Variants in CAMSAP2 observed in about 807,000 individuals in gnomAD.
CAMSAP2 encodes calmodulin regulated spectrin associated protein family member 2.
CAMSAP2 carries 26 observed loss-of-function variants against 146.1 expected under a neutral mutation model. The observed-to-expected ratio is 0.18, with a 90% CI of 0.13 to 0.25. CAMSAP2 has a LOEUF of 0.25. Among genes scored for constraint, CAMSAP2 ranks in the 10% least tolerant of loss-of-function variants. The probability of loss-of-function intolerance (pLI) is 1.00; values close to 1 mark genes in which losing one functional copy is unlikely to be tolerated. For missense variants in CAMSAP2, 1,381 were observed against 1,759.3 expected, an observed-to-expected ratio of 0.78 and a Z score of 3.85; for synonymous variants, 499 against 596.6, an observed-to-expected ratio of 0.84 and a Z score of 2.38.
At chr1:200,854,947 C>A in intron 14 of CAMSAP2, 58 bp downstream of exon 14, 2 of 1,217,564 alleles carry the variant, frequency 1.6e-6, no homozygotes, top group Admixed American at 2.4e-5. Context: ...TGCAATTATA[C>A]AAACTCTAAG....
intron 1 of CAMSAP2, among the ~76,000 whole-genome samples, chr1:200,749,154 C>T (rs191147854): frequency 2.0e-3 from 307 of 152,314 alleles, no homozygotes; most frequent in African/African-American, 6.7e-3. Flanking sequence ...ATATACATTT[C>T]ATGTGTCCTG....
intron 3 of CAMSAP2, 127 bp from the exon 4 acceptor site, chr1:200,815,434 A>T (rs1437303137): frequency 3.3e-5 from 15 of 452,434 alleles, no homozygotes; most frequent in Non-Finnish European, 5.5e-5. Context: ...TCTTTATTTG[A>T]GTGAGACTGA....
chr1:200,836,453 T>C (rs1267070698), intron 6 of CAMSAP2, among the ~76,000 whole-genome samples: 3 of 152,228 alleles, frequency 2.0e-5, no homozygotes, highest in Admixed American at 1.3e-4. Context: ...TAGTATTCCA[T>C]AGTGTATATG....
In CAMSAP2 at chr1:200,857,886, A is replaced by G. The variant is rs1329315411; in HGVS notation, c.4264A>G (p.Ile1422Val). 1.9e-6 allele frequency: 3 copies of G among 1,613,882 alleles called. No homozygotes were observed. Among genetic ancestry groups the G allele is most frequent in the South Asian group, 1.1e-5 (1 of 91,058 alleles). ...NKLTGIGPKS[I>V]TKKMIEGLYK... Reference sequence around the variant, plus strand: ...ACTGACTGGGATAGGCCCTAAATCTATCACTAAAAAAATGATTGAAGGACT... The same window carrying G: ...ACTGACTGGGATAGGCCCTAAATCTGTCACTAAAAAAATGATTGAAGGACT... Residue 1422 changes from isoleucine (I) to valine (V), a missense_variant, in exon 17 of 17, where the codon ATC becomes GTC. Physicochemically the swap from Ile to Val is conservative, Grantham distance 29. Around this residue, in one of 4 missense-constraint regions of CAMSAP2, gnomAD observed 90 missense variants for 174.4 expected, o/e 0.52. Transcript: ENST00000358823. The surrounding 1 kb of genome is among the most constrained non-coding windows in gnomAD (Gnocchi z 4.7).
chr1:200,751,412 T>G (rs1033044264), intron 1 of CAMSAP2, among the ~76,000 whole-genome samples: 2 of 151,660 alleles, frequency 1.3e-5, no homozygotes, highest in African/African-American at 4.8e-5. Context: ...GGTGGGCACC[T>G]GTGATCCTGG....
intron 1 of CAMSAP2, among the ~76,000 whole-genome samples, chr1:200,746,442 G>A (rs1160939262): frequency 1.3e-5 from 2 of 152,188 alleles, no homozygotes; most frequent in Non-Finnish European, 2.9e-5. Flanking sequence ...GAGGGCCAGT[G>A]TATGTGTTTA....
In CAMSAP2 at chr1:200,832,296, G is replaced by T. The variant is rs766409904; in HGVS notation, c.742G>T (p.Ala248Ser). 2.5e-6 allele frequency: 4 copies of T among 1,613,306 alleles called. No individual in the cohort carries two copies. The East Asian group carries it at 8.9e-5, about 36-fold the overall frequency. ...LKDGTDGCAL[A>S]ALIHFYCPDV... ...GGATGGGACAGATGGCTGTGCATTAGCTGCCCTTATTCATTTTTACTGTCC... is the reference window on the plus strand; with the variant it reads ...GGATGGGACAGATGGCTGTGCATTATCTGCCCTTATTCATTTTTACTGTCC... The change falls in exon 5 of 17, where the codon GCT (alanine) becomes TCT (serine). Residue 248 changes from alanine to serine, a missense_variant. Around this residue, in one of 4 missense-constraint regions of CAMSAP2, gnomAD observed 284 missense variants for 406.9 expected, o/e 0.70. Transcript: ENST00000358823. The surrounding 1 kb of genome is among the most constrained non-coding windows in gnomAD (Gnocchi z 4.2).
At chr1:200,803,157 C>G (rs150135406) in intron 2 of CAMSAP2, among the ~76,000 whole-genome samples, 3 of 152,304 alleles carry the variant, frequency 2.0e-5, no homozygotes, top group Non-Finnish European at 4.4e-5. Context: ...GGATTTAAGT[C>G]TGCAGGTGTG....
intron 3 of CAMSAP2, among the ~76,000 whole-genome samples, chr1:200,807,897 C>T (rs985591843): frequency 6.6e-6 from 1 of 152,036 alleles, no homozygotes; most frequent in African/African-American, 2.4e-5. Flanking sequence ...TTTGCCACCA[C>T]ACCCGGCTAA....
At chr1:200,824,927 C>A (rs10753883) in intron 4 of CAMSAP2, among the ~76,000 whole-genome samples, 1 of 151,806 alleles carries the variant, frequency 6.6e-6, no homozygotes, top group African/African-American at 2.4e-5. Context: ...TGCAGTGAGC[C>A]GAGATCGTGC....
rs1558191463 is a variant in CAMSAP2, at chr1:200,816,942, ATGTGTGTACACACACACGCGTGTG to A, written c.645+1300_645+1323del. Among the ~76,000 whole-genome samples, 203 of 69,608 alleles carry A rather than the reference ATGTGTGTACACACACACGCGTGTG, an allele frequency of 2.9e-3. 51 individuals are homozygous for A. The highest frequency in any genetic ancestry group is 6.6e-3 in the African/African-American group (106 of 16,150). 45.7% of individuals were successfully genotyped at this position (69,608 alleles called of 152,430 possible). On this transcript the variant is annotated intron_variant, in intron 4 of 16. Coordinates refer to ENST00000358823, the MANE Select transcript of CAMSAP2 (RefSeq NM_203459.4). ...TGTGTGTACACACACACGCGTGTGT[ATGTGTGTACACACACACGCGTGTG>A]TATGTGTATATATCTACACATATAT...
intron 1 of CAMSAP2, among the ~76,000 whole-genome samples, chr1:200,752,409 AG>A (rs1174071027): frequency 1.3e-5 from 2 of 152,170 alleles, no homozygotes; most frequent in Non-Finnish European, 2.9e-5. Flanking sequence ...TACAATAAGC[AG>A]CACTACAATT....
intron 4 of CAMSAP2, among the ~76,000 whole-genome samples, chr1:200,816,221 G>A (rs983238236): frequency 6.6e-6 from 1 of 151,982 alleles, no homozygotes; most frequent in Non-Finnish European, 1.5e-5. Context: ...TCAGGAGGCA[G>A]AGGTTGCAGT....
chr1:200,834,527 T>C (rs1667136510), intron 6 of CAMSAP2, among the ~76,000 whole-genome samples: 1 of 152,242 alleles, frequency 6.6e-6, no homozygotes, highest in Non-Finnish European at 1.5e-5. Context: ...GTTAGTGTTG[T>C]ACTTTATGTG....
intron 2 of CAMSAP2, among the ~76,000 whole-genome samples, chr1:200,785,070 A>G (rs1665546808): frequency 6.6e-6 from 1 of 152,204 alleles, no homozygotes; most frequent in African/African-American, 2.4e-5. Flanking sequence ...TTGATTTCAA[A>G]TATTAAACTG....
In CAMSAP2 at chr1:200,844,674, G is replaced by A. The variant is rs1045922391; in HGVS notation, c.1022-108G>A. 21 of 522,284 alleles carry A rather than the reference G, an allele frequency of 4.0e-5. No homozygotes were observed. The South Asian group carries it at 4.5e-4, about 11-fold the overall frequency. The allele number at this position is 522,284 out of a possible 1,614,324, so 32.4% of individuals were successfully genotyped here. A position where few individuals can be genotyped will look rare whatever the true frequency, so the allele number is the denominator to read the frequency against. On this transcript the variant is annotated intron_variant, in intron 7 of 16. Transcript: ENST00000358823. ...ACTTTATGCTATGATTTCTCAATAC[G>A]TAGAAAGGGAAATAGAAGTTAAATT... is the stretch of plus-strand genomic sequence containing the variant.
intron 3 of CAMSAP2, among the ~76,000 whole-genome samples, chr1:200,813,947 A>G (rs964353115): frequency 2.6e-5 from 4 of 151,768 alleles, no homozygotes; most frequent in Admixed American, 6.6e-5. Flanking sequence ...AAAACAAAAC[A>G]AAAAACAAAA....
intron 2 of CAMSAP2, among the ~76,000 whole-genome samples, chr1:200,789,955 G>T (rs1327457641): frequency 6.6e-6 from 1 of 152,148 alleles, no homozygotes; most frequent in Non-Finnish European, 1.5e-5. Context: ...CTTGTTCATT[G>T]TTGGTATATA....
At position 200,848,159 on chromosome 1, in the gene CAMSAP2, G is replaced by T; in HGVS notation, c.1390G>T (p.Val464Leu). 1.2e-6 allele frequency: 2 copies of T among 1,613,808 alleles called. No homozygotes were observed. The highest frequency in any genetic ancestry group is 1.1e-5 in the South Asian group (1 of 91,068). The change falls in exon 11 of 17, where the codon GTA becomes TTA. Residue 464 changes from valine (V) to leucine (L), a missense_variant. Around this residue, in one of 4 missense-constraint regions of CAMSAP2, gnomAD observed 447 missense variants for 462.2 expected, o/e 0.97. Transcript: ENST00000358823. ...AGGACTTACTCTGAACAACAGTCATGTATCTAAACACATTAGGAAAAATTT... is the reference window on the plus strand; with the variant it reads ...AGGACTTACTCTGAACAACAGTCATTTATCTAAACACATTAGGAAAAATTT... The part of the protein sequence containing the change: ...NEGLTLNNSH[V>L]SKHIRKNLSF...
Sources: gnomAD v4.1 joint callset for allele counts (sites outside exome capture counted in the v4.1 genomes callset) on GRCh38, gnomAD v4.1.1 for gene constraint, gnomAD v4.1.1 regional missense constraint, Gnocchi (gnomAD v3.1) non-coding constraint, MANE v1.5 for transcripts, NCBI Gene and HGNC (gene_info 2026-07-23, HGNC 2026-07-21) for gene names.